The following SHB variants were observed in gnomAD, a reference collection of about 807,000 sequenced individuals.
SHB encodes the protein SH2 domain containing adaptor protein B.
Under a neutral mutation model 52.3 loss-of-function variants are expected in SHB, and 20 were observed. That is an observed-to-expected ratio of 0.38 (90% CI 0.27 to 0.56). The LOEUF (loss-of-function observed/expected upper bound fraction) is 0.56. Ranked by LOEUF, SHB falls within the 20% of genes least tolerant of loss-of-function variation. SHB has a pLI of 0.71. For synonymous variants in SHB, 397 were observed against 316.5 expected, an observed-to-expected ratio of 1.25 and a Z score of -2.70; for missense variants, 825 against 723.3, an observed-to-expected ratio of 1.14 and a Z score of -1.61.
At chr9:37,993,647 T>C (rs1587234109) in intron 2 of SHB, among the ~76,000 whole-genome samples, 1 of 151,972 alleles carries the variant, frequency 6.6e-6, no homozygotes, top group South Asian at 2.1e-4. Context: ...GTTAAACATA[T>C]ATTTGTTAAT....
At chr9:38,009,961 T>A (rs1821118198) in intron 2 of SHB, among the ~76,000 whole-genome samples, 1 of 152,272 alleles carries the variant, frequency 6.6e-6, no homozygotes, top group East Asian at 1.9e-4. Flanking sequence ...AGATTCATCC[T>A]GTGAGATGAC....
chr9:37,998,024 G>C (rs956693948), intron 2 of SHB, among the ~76,000 whole-genome samples: 1 of 152,230 alleles, frequency 6.6e-6, no homozygotes. Context: ...GCAGTGGCAG[G>C]ACAGCCCGTG....
intron 1 of SHB, among the ~76,000 whole-genome samples, chr9:38,061,708 T>G (rs1467276404): frequency 2.0e-5 from 3 of 152,188 alleles, no homozygotes; most frequent in Non-Finnish European, 4.4e-5. Flanking sequence ...TCTGAGATTG[T>G]CAGATTAGAG....
chr9:37,955,691 T>C (rs1832622218), intron 4 of SHB, among the ~76,000 whole-genome samples, 192 bp downstream of exon 4: 1 of 152,088 alleles, frequency 6.6e-6, no homozygotes. Flanking sequence ...GCTCTCACTA[T>C]GTTGTCCAGG....
intron 5 of SHB, among the ~76,000 whole-genome samples, chr9:37,945,730 C>T (rs1832483700): frequency 6.6e-6 from 1 of 152,194 alleles, no homozygotes; most frequent in Non-Finnish European, 1.5e-5. Context: ...GGGCTGCCTT[C>T]CCAGTCTCCC....
intron 3 of SHB, among the ~76,000 whole-genome samples, chr9:37,968,003 T>C (rs574639724): frequency 6.6e-6 from 1 of 152,328 alleles, no homozygotes; most frequent in South Asian, 2.1e-4. Flanking sequence ...CCTGAAGAAG[T>C]GGTGCTTTCC....
chr9:37,944,003 C>T (rs1315655532), intron 5 of SHB, among the ~76,000 whole-genome samples: 2 of 152,178 alleles, frequency 1.3e-5, no homozygotes, highest in East Asian at 3.8e-4. Context: ...CATTTTCTTG[C>T]CAATTTCTCA....
intron 2 of SHB, among the ~76,000 whole-genome samples, chr9:37,987,003 C>A (rs984354990): frequency 1.3e-5 from 2 of 152,232 alleles, no homozygotes; most frequent in Non-Finnish European, 2.9e-5. Context: ...TGAGGTAAAG[C>A]CATAGGGGAC....
chr9:37,979,193 C>T (rs1820692033), intron 2 of SHB, among the ~76,000 whole-genome samples: 1 of 152,242 alleles, frequency 6.6e-6, no homozygotes, highest in African/African-American at 2.4e-5. Context: ...TCAGCATCTA[C>T]ACATTCATGC....
chr9:37,982,049 C>T (rs1310647010), intron 2 of SHB, among the ~76,000 whole-genome samples: 1 of 151,224 alleles, frequency 6.6e-6, no homozygotes, highest in African/African-American at 2.4e-5. Flanking sequence ...AAAAATGATG[C>T]TGATAGACTT....
chr9:37,960,559 G>A (rs1832682865), intron 3 of SHB, among the ~76,000 whole-genome samples: 1 of 152,208 alleles, frequency 6.6e-6, no homozygotes, highest in Non-Finnish European at 1.5e-5. Context: ...CCTGGTGGTT[G>A]ATGGAAGAGA....
At chr9:38,007,357 G>C (rs968895905) in intron 2 of SHB, among the ~76,000 whole-genome samples, 1 of 152,198 alleles carries the variant, frequency 6.6e-6, no homozygotes, top group East Asian at 1.9e-4. Context: ...AGATGGGTGA[G>C]GACCAGTCCC....
chr9:37,982,391 G>T (rs556198895), intron 2 of SHB, among the ~76,000 whole-genome samples: 2 of 152,222 alleles, frequency 1.3e-5, no homozygotes, highest in South Asian at 4.1e-4. Flanking sequence ...TACTGGGAAG[G>T]CTGAGGCAGG....
intron 2 of SHB, among the ~76,000 whole-genome samples, chr9:38,013,259 T>A (rs1821165537): frequency 1.3e-5 from 2 of 152,178 alleles, no homozygotes; most frequent in African/African-American, 4.8e-5. Flanking sequence ...AGGTTCTAAA[T>A]CAAACTGCCT....
At chr9:37,988,308 G>A (rs903527045) in intron 2 of SHB, among the ~76,000 whole-genome samples, 1 of 152,184 alleles carries the variant, frequency 6.6e-6, no homozygotes, top group South Asian at 2.1e-4. Context: ...ATCCATCAGG[G>A]CTAATATTCC....
chr9:37,918,690 C>T lies in SHB; in HGVS notation c.*1131G>A, dbSNP rs1392884779. ...GAGCTGTGTGGCTTTGGGCAAATGA[C>T]GTTCCTTCTCTGTCTCCCTTTCCCT... On this transcript the variant is annotated 3_prime_UTR_variant, in exon 6 of 6. Transcript: ENST00000377707. Among the ~76,000 whole-genome samples, 3 of 152,108 alleles carry T rather than the reference C, an allele frequency of 2.0e-5. No individual in the cohort carries two copies. The highest frequency in any genetic ancestry group is 2.1e-4 in the South Asian group (1 of 4,828).
chr9:37,972,186 G>A (rs921723323), intron 3 of SHB, among the ~76,000 whole-genome samples: 2 of 152,138 alleles, frequency 1.3e-5, no homozygotes, highest in Non-Finnish European at 2.9e-5. Flanking sequence ...GTGGGTCCTC[G>A]GTGTCTGGGA....
chr9:38,010,109 C>T (rs746732952), intron 2 of SHB, among the ~76,000 whole-genome samples: 9 of 152,150 alleles, frequency 5.9e-5, no homozygotes, highest in African/African-American at 1.7e-4. Flanking sequence ...TAGTTGTAAG[C>T]GAGGGCTCCA....
intron 1 of SHB, among the ~76,000 whole-genome samples, chr9:38,065,695 G>A (rs930324688): frequency 6.6e-6 from 1 of 152,182 alleles, no homozygotes; most frequent in Non-Finnish European, 1.5e-5. Context: ...TAGGTGAAAA[G>A]TAACCCAGAG....
Sources: allele counts gnomAD v4.1 joint callset (sites outside exome capture counted in the v4.1 genomes callset), GRCh38; gene constraint gnomAD v4.1.1; transcripts MANE v1.5; gene names NCBI Gene and HGNC (gene_info 2026-07-23, HGNC 2026-07-21).